Variants in TPTE2 observed in about 807,000 individuals in gnomAD.
TPTE2 encodes the protein transmembrane phosphoinositide 3-phosphatase and tensin homolog 2.
A neutral mutation model predicts 78.6 loss-of-function variants in TPTE2; 53 were observed. That is an observed-to-expected ratio of 0.67 (90% confidence interval 0.54 to 0.85). The LOEUF (loss-of-function observed/expected upper bound fraction) is 0.85. Ranked by LOEUF, TPTE2 falls within the 40% of genes least tolerant of loss-of-function variation. The pLI, the probability that TPTE2 is intolerant of heterozygous loss-of-function variation, is 0.00. For synonymous variants in TPTE2, 175 were observed against 206.2 expected (o/e 0.85, Z 1.30); for missense variants, 461 against 623.0 (o/e 0.74, Z 2.77).
chr13:19,529,779 G>A (rs1282107863), intron 1 of TPTE2, among the ~76,000 whole-genome samples: 2 of 152,076 alleles, frequency 1.3e-5, no homozygotes, highest in African/African-American at 2.4e-5. Context: ...TGCCCTTTGT[G>A]ATCCTGGAAA....
At chr13:19,511,073 T>C (rs3123288) in intron 1 of TPTE2, among the ~76,000 whole-genome samples, 149,792 of 152,334 alleles carry the variant, frequency 0.98, 73,696 homozygotes, top group Middle Eastern at 1. Flanking sequence ...CAGTCAAATT[T>C]AAAATGTGCA....
the TPTE2 span, among the ~76,000 whole-genome samples, chr13:19,553,186 T>A: frequency 4.6e-3 from 699 of 152,274 alleles, 6 homozygotes; most frequent in South Asian, 0.026. Flanking sequence ...TTTTTATGCA[T>A]TAGTGCATGT....
chr13:19,451,492 G>A (rs1303558704), intron 10 of TPTE2, among the ~76,000 whole-genome samples: 1 of 152,024 alleles, frequency 6.6e-6, no homozygotes, highest in East Asian at 1.9e-4. Context: ...TAAATTAGCT[G>A]GTTAACTAAC....
chr13:19,489,686 C>T (rs1161545348), intron 3 of TPTE2, among the ~76,000 whole-genome samples: 1 of 149,202 alleles, frequency 6.7e-6, no homozygotes, highest in African/African-American at 2.5e-5. Context: ...ATTTATATAT[C>T]TATATATACT....
intron 10 of TPTE2, among the ~76,000 whole-genome samples, chr13:19,457,447 T>G (rs1277367446): frequency 9.2e-5 from 14 of 152,310 alleles, no homozygotes; most frequent in African/African-American, 2.9e-4. Flanking sequence ...CATGGTGGTT[T>G]GCTGCACAGA....
chr13:19,505,078 A>G (rs918880638), upstream of TPTE2, among the ~76,000 whole-genome samples: 1 of 152,248 alleles, frequency 6.6e-6, no homozygotes, highest in East Asian at 1.9e-4. Flanking sequence ...AAACAGCTAC[A>G]GTTACTCTAT....
chr13:19,559,544 C>T, the TPTE2 span, among the ~76,000 whole-genome samples: 1 of 146,156 alleles, frequency 6.8e-6, no homozygotes, highest in South Asian at 2.3e-4. Flanking sequence ...CAAGGCCGGG[C>T]ACTAATGCCC....
intron 17 of TPTE2, among the ~76,000 whole-genome samples, chr13:19,427,498 CT>C (rs933829294): frequency 9.2e-5 from 14 of 151,986 alleles, no homozygotes; most frequent in African/African-American, 3.4e-4. Context: ...GTGTTAGGGC[CT>C]TTTTTGAGAA....
Position 19,535,381 on chromosome 13 carries a change from A to C in TPTE2, c.-44+1215T>G, listed in dbSNP as rs1029951645. 2.0e-5 allele frequency among the ~76,000 whole-genome samples: 3 copies of C among 152,000 alleles called. No individual in the cohort carries two copies. The highest frequency in any genetic ancestry group is 2.9e-5 in the Non-Finnish European group (2 of 67,996). On this transcript the variant is annotated intron_variant, in intron 1 of 17. Transcript: ENST00000390680. The surrounding 1 kb of genome is among the most constrained non-coding windows in gnomAD (Gnocchi z 5.1). ...CCAAAGCTATCTACAAAAAGGGACA[A>C]TGTCATCACTGGCTAGTGAAAATTA...
At chr13:19,531,296 C>A (rs868129116) in intron 1 of TPTE2, among the ~76,000 whole-genome samples, 1 of 152,208 alleles carries the variant, frequency 6.6e-6, no homozygotes, top group African/African-American at 2.4e-5. Context: ...GTGACTTTAT[C>A]CTGTTTTACA....
At chr13:19,476,453 G>A (rs1465621444) in intron 4 of TPTE2, among the ~76,000 whole-genome samples, 3 of 151,496 alleles carry the variant, frequency 2.0e-5, no homozygotes, top group East Asian at 2.0e-4. Context: ...ATTCCACCCC[G>A]AGAGCCATTA....
intron 10 of TPTE2, among the ~76,000 whole-genome samples, chr13:19,459,063 C>T (rs1484204724): frequency 3.3e-5 from 5 of 152,136 alleles, no homozygotes; most frequent in Non-Finnish European, 7.4e-5. Context: ...CCTTTTTCTC[C>T]ACAACCTTCC....
chr13:19,440,388 A>AG (rs1211181227), intron 13 of TPTE2, among the ~76,000 whole-genome samples: 7 of 150,848 alleles, frequency 4.6e-5, no homozygotes, highest in Admixed American at 1.3e-4. Context: ...CAATAGATGC[A>AG]GAAAAAAAAG....
chr13:19,544,220 C>T, the TPTE2 span, among the ~76,000 whole-genome samples: 2 of 151,908 alleles, frequency 1.3e-5, no homozygotes, highest in African/African-American at 4.8e-5. Context: ...ATATGCTGTT[C>T]ATAAGAAATT....
chr13:19,426,701 G>T (rs978372072), intron 17 of TPTE2, among the ~76,000 whole-genome samples, 184 bp from the exon 21 acceptor site: 2 of 152,026 alleles, frequency 1.3e-5, no homozygotes, highest in Non-Finnish European at 2.9e-5. Context: ...GTGTGTGTGT[G>T]TTTTCATTTG....
intron 13 of TPTE2, among the ~76,000 whole-genome samples, chr13:19,439,011 C>G (rs953227804): frequency 1.3e-4 from 20 of 152,148 alleles, no homozygotes; most frequent in Non-Finnish European, 2.6e-4. Flanking sequence ...GACTTGGAGA[C>G]TTTGTGGGGG....
exon 4 of TPTE2, chr13:19,482,544 C>A: frequency 6.2e-7 from 1 of 1,612,290 alleles, no homozygotes; most frequent in African/African-American, 1.3e-5. Flanking sequence ...GTCGTTCTAA[C>A]ATACTTTAGC....
At chr13:19,482,354 G>A (rs764078693) in intron 4 of TPTE2, 134 bp downstream of exon 7, 3 of 934,154 alleles carry the variant, frequency 3.2e-6, no homozygotes, top group South Asian at 5.1e-5. Context: ...TAAATACGGT[G>A]TACCCTCCCA....
At chr13:19,532,275 T>C (rs913766166) in intron 1 of TPTE2, among the ~76,000 whole-genome samples, 13 of 152,096 alleles carry the variant, frequency 8.5e-5, no homozygotes, top group Non-Finnish European at 1.9e-4. Flanking sequence ...GTCTTGCTAA[T>C]GTGATGGTAT....
Sources: gnomAD v4.1 joint callset for allele counts (sites outside exome capture counted in the v4.1 genomes callset) on GRCh38, gnomAD v4.1.1 for gene constraint, Gnocchi (gnomAD v3.1) non-coding constraint, MANE v1.5 for transcripts, NCBI Gene and HGNC (gene_info 2026-07-23, HGNC 2026-07-21) for gene names.